ADGRV1: variants seen among roughly 807,000 people sequenced by gnomAD.
The protein encoded by ADGRV1 is adhesion G protein-coupled receptor V1, also known as G-protein coupled receptor 98.
In ADGRV1, 359 loss-of-function variants were observed where a neutral mutation model predicts 596.2. The observed-to-expected ratio is 0.60, with a 90% CI of 0.55 to 0.66. The LOEUF is 0.66. Among genes scored for constraint, ADGRV1 ranks in the 30% least tolerant of loss-of-function variants. ADGRV1 has a pLI of 0.00. For synonymous variants in ADGRV1, 2,681 were observed against 2,679.2 expected (o/e 1.00, Z -0.02); for missense variants, 7,274 against 7,575.6 (o/e 0.96, Z 1.48).
chr5:90,643,729 T>C, intron 13 of ADGRV1, 74 bp from the exon 14 acceptor site: 1 of 1,123,880 alleles, frequency 8.9e-7, no homozygotes, highest in South Asian at 1.6e-5. Context: ...TTAATATTCT[T>C]GAATATTTAT....
At chr5:90,969,134 G>T (rs1187316145) in intron 84 of ADGRV1, among the ~76,000 whole-genome samples, 1 of 152,054 alleles carries the variant, frequency 6.6e-6, no homozygotes, top group Admixed American at 6.5e-5. Flanking sequence ...TCTGAGCCTT[G>T]ATTTTCTTAT....
intron 45 of ADGRV1, among the ~76,000 whole-genome samples, chr5:90,722,582 C>T (rs977446078): frequency 1.6e-4 from 24 of 151,164 alleles, no homozygotes; most frequent in East Asian, 1.4e-3. Context: ...GGCTTGGTGG[C>T]GCACGCCTAT....
At chr5:90,865,047 T>C (rs908510585) in intron 83 of ADGRV1, among the ~76,000 whole-genome samples, 3 of 152,146 alleles carry the variant, frequency 2.0e-5, no homozygotes, top group Admixed American at 6.6e-5. Context: ...TCTGTCACCC[T>C]TTTTTGTTCT....
Position 90,694,585 on chromosome 5 carries a change from T to TAC in ADGRV1, c.7833_7834dup (p.Arg2612ThrfsTer7). ...CCCCAAACCTTGGTGGAGCTGATGA[T>TAC]ACACAGGACAGGGGGCAGCTTAGGT... On this transcript the variant is annotated frameshift_variant, in exon 33 of 90. Transcript: ENST00000405460. LOFTEE classifies it high-confidence loss of function. 1 of 1,613,858 alleles carries TAC rather than the reference T, an allele frequency of 6.2e-7. No individual in the cohort carries two copies. Among genetic ancestry groups the TAC allele is most frequent in the Non-Finnish European group, 8.5e-7 (1 of 1,179,808 alleles).
At chr5:90,818,876 C>G (rs1701875447) in intron 75 of ADGRV1, among the ~76,000 whole-genome samples, 2 of 148,908 alleles carry the variant, frequency 1.3e-5, no homozygotes, top group African/African-American at 2.5e-5. Flanking sequence ...CTAAAATTCT[C>G]TTTTTTGGTT....
At chr5:91,121,449 A>G (rs1793308045) in intron 87 of ADGRV1, among the ~76,000 whole-genome samples, 1 of 152,092 alleles carries the variant, frequency 6.6e-6, no homozygotes, top group Non-Finnish European at 1.5e-5. Context: ...TCCAAGTGAA[A>G]CAGTAGGCCA....
At chr5:91,069,930 A>AC (rs1788227612) in intron 85 of ADGRV1, among the ~76,000 whole-genome samples, 1 of 144,144 alleles carries the variant, frequency 6.9e-6, no homozygotes, top group South Asian at 2.1e-4. Flanking sequence ...TGTAGCCACA[A>AC]AAAAAAAAAA....
At chr5:91,134,442 C>T (rs1794468326) in intron 87 of ADGRV1, among the ~76,000 whole-genome samples, 1 of 152,164 alleles carries the variant, frequency 6.6e-6, no homozygotes, top group Non-Finnish European at 1.5e-5. Context: ...ACCCTGCCAG[C>T]CTGGACCTCC....
intron 86 of ADGRV1, 94 bp downstream of exon 86, chr5:91,072,698 CG>C: frequency 7.6e-7 from 1 of 1,314,078 alleles, no homozygotes; most frequent in East Asian, 2.3e-5. Flanking sequence ...GAGGGAAGTT[CG>C]GCTCATCTTT....
intron 85 of ADGRV1, among the ~76,000 whole-genome samples, chr5:91,010,731 T>C (rs1050617893): frequency 4.6e-5 from 7 of 152,016 alleles, no homozygotes; most frequent in Non-Finnish European, 1.0e-4. Flanking sequence ...TAAGAATCAC[T>C]TTTCATTCAT....
At position 90,791,228 on chromosome 5, in the gene ADGRV1, G is replaced by A; in HGVS notation, c.14399G>A (p.Gly4800Glu). 3 of 1,613,536 alleles carry A rather than the reference G, an allele frequency of 1.9e-6. No individual in the cohort carries two copies. Among genetic ancestry groups the A allele is most frequent in the Non-Finnish European group, 2.5e-6 (3 of 1,179,770 alleles). ...LAGTFGDVAV[G>E]LRISSDHKEQ... The stretch of plus-strand genomic sequence containing the variant: ...GGAACATTTGGAGATGTGGCTGTTG[G>A]GCTTCGAATATCATCGGATCATAAA... Residue 4800 changes from glycine (G) to glutamate (E), a missense_variant, in exon 70 of 90, where the codon GGG becomes GAG. By Grantham distance (98) the Gly-to-Glu change is moderately conservative (BLOSUM62 -2). This residue lies in a region of ADGRV1 where 1,874 missense variants were observed against 1,970.2 expected (regional missense o/e 0.95). Coordinates refer to ENST00000405460, the MANE Select transcript of ADGRV1 (RefSeq NM_032119.4).
intron 89 of ADGRV1, among the ~76,000 whole-genome samples, chr5:91,158,849 GTGGATGGATGGATGGA>G (rs35809247): frequency 1.5e-3 from 213 of 146,208 alleles, no homozygotes; most frequent in African/African-American, 3.2e-3. Context: ...ACATGGATGG[GTGGATGGATGGATGGA>G]TGGATGGATG....
chr5:90,596,424 GA>G (rs1408007630), intron 1 of ADGRV1, among the ~76,000 whole-genome samples: 1 of 151,860 alleles, frequency 6.6e-6, no homozygotes, highest in African/African-American at 2.4e-5. Flanking sequence ...GGCACTTTGG[GA>G]GGCCAAGGCA....
At chr5:90,604,059 C>G (rs550635038) in intron 1 of ADGRV1, among the ~76,000 whole-genome samples, 17 of 151,904 alleles carry the variant, frequency 1.1e-4, no homozygotes, top group Middle Eastern at 3.4e-3. Context: ...CTCTGTCTAA[C>G]TGGCAGCTAC....
At chr5:91,055,270 T>G (rs1379675594) in intron 85 of ADGRV1, among the ~76,000 whole-genome samples, 1 of 151,026 alleles carries the variant, frequency 6.6e-6, no homozygotes, top group East Asian at 1.9e-4. Flanking sequence ...ATATATATAT[T>G]AACCAAACAT....
intron 85 of ADGRV1, among the ~76,000 whole-genome samples, chr5:91,002,508 G>C (rs1185576190): frequency 2.6e-5 from 4 of 151,964 alleles, no homozygotes; most frequent in African/African-American, 7.2e-5. Context: ...AAATCCCTCA[G>C]ACAACCTTTA....
chr5:90,572,198 C>A (rs1756616445), intron 1 of ADGRV1, among the ~76,000 whole-genome samples: 1 of 151,926 alleles, frequency 6.6e-6, no homozygotes, highest in African/African-American at 2.4e-5. Context: ...CAGAAGAGAG[C>A]AAATTAATAA....
At chr5:90,628,220 C>CAAAAT (rs70999498) in intron 7 of ADGRV1, among the ~76,000 whole-genome samples, 1,335 of 129,558 alleles carry the variant, frequency 0.01, 23 homozygotes, top group African/African-American at 0.025. Flanking sequence ...ACCCCGCCCA[C>CAAAAT]AAAATAAAAT....
At chr5:90,974,728 AC>A (rs1304944015) in intron 84 of ADGRV1, among the ~76,000 whole-genome samples, 1 of 152,218 alleles carries the variant, frequency 6.6e-6, no homozygotes, top group East Asian at 1.9e-4. Flanking sequence ...TAAATATTAG[AC>A]CTAAAACCAT....
Sources: gnomAD v4.1 joint callset for allele counts (sites outside exome capture counted in the v4.1 genomes callset) on GRCh38, gnomAD v4.1.1 for gene constraint, gnomAD v4.1.1 regional missense constraint, MANE v1.5 for transcripts, NCBI Gene and HGNC (gene_info 2026-07-23, HGNC 2026-07-21) for gene names.